The following HYAL4 variants were observed in gnomAD, a reference collection of about 807,000 sequenced individuals.
HYAL4 encodes the protein hyaluronidase 4, also known as hyaluronidase-4.
HYAL4 carries 37 observed loss-of-function variants against 35.2 expected under a neutral mutation model. The ratio of observed to expected loss-of-function variants is 1.05; its 90% confidence interval spans 0.81 to 1.38. The LOEUF (loss-of-function observed/expected upper bound fraction) is 1.38, where lower values mean the gene tolerates loss of function less well. Among genes scored for constraint, HYAL4 ranks in the 40% most tolerant of loss-of-function variants. The pLI, the probability that HYAL4 is intolerant of heterozygous loss-of-function variation, is 0.00. For synonymous variants in HYAL4, 198 were observed against 203.2 expected (o/e 0.97, Z 0.22); for missense variants, 572 against 572.4 (o/e 1.00, Z 0.01).
intron 1 of HYAL4, among the ~76,000 whole-genome samples, chr7:123,833,771 G>A (rs573823120): frequency 6.6e-6 from 1 of 152,090 alleles, no homozygotes; most frequent in Admixed American, 6.5e-5. Context: ...ATAATGTGAG[G>A]GATGAGGGTA....
chr7:123,863,446 A>C (rs999520276), intron 2 of HYAL4, among the ~76,000 whole-genome samples: 21 of 152,282 alleles, frequency 1.4e-4, no homozygotes, highest in Admixed American at 6.5e-5. Flanking sequence ...ATGGGAAGCC[A>C]TGGGGTGTCT....
chr7:123,770,690 G>A, the HYAL4 span, among the ~76,000 whole-genome samples: 1 of 151,900 alleles, frequency 6.6e-6, no homozygotes, highest in East Asian at 1.9e-4. Flanking sequence ...AGTACGTTGG[G>A]GTCAGATTAT....
In HYAL4 at chr7:123,871,199, T is replaced by A. The variant is rs12537321; in HGVS notation, c.954+1972T>A. The stretch of plus-strand genomic sequence containing the variant: ...CTTTAAAAATCTGCCCATGATTTTT[T>A]TTTTTTTTTTTAGATGGAGTTTCCC... On this transcript the variant is annotated intron_variant, in intron 3 of 4. Coordinates refer to ENST00000223026, the MANE Select transcript of HYAL4 (RefSeq NM_012269.3). Among the ~76,000 whole-genome samples, 1,254 of 151,998 alleles carry A rather than the reference T, an allele frequency of 8.3e-3. 25 individuals are homozygous for A. Among genetic ancestry groups the A allele is most frequent in the African/African-American group, 0.029 (1,185 of 41,464 alleles).
the HYAL4 span, among the ~76,000 whole-genome samples, chr7:123,767,324 G>GTTTGT: frequency 6.6e-6 from 1 of 152,092 alleles, no homozygotes; most frequent in African/African-American, 2.4e-5. Flanking sequence ...TATTGTTGTT[G>GTTTGT]TTTGTTTTGT....
In HYAL4 at chr7:123,832,340, T is replaced by TA. The variant is rs1213929030; in HGVS notation, c.-257+3218dup. On this transcript the variant is annotated intron_variant, in intron 1 of 4. Transcript: ENST00000489978. ...ACAGGTGGTATTTGGTTACATGAGTTAAGTTCTTTAGTGGTGATTTGTGAG... is the reference window on the plus strand; with the variant it reads ...ACAGGTGGTATTTGGTTACATGAGTTAAAGTTCTTTAGTGGTGATTTGTGAG... 7.2e-5 allele frequency among the ~76,000 whole-genome samples: 11 copies of TA among 152,008 alleles called. No homozygotes were observed. The East Asian group carries it at 2.1e-3, about 29-fold the overall frequency.
upstream of HYAL4, among the ~76,000 whole-genome samples, chr7:123,824,836 T>G (rs888132438): frequency 6.6e-6 from 1 of 152,182 alleles, no homozygotes; most frequent in Admixed American, 6.6e-5. Context: ...CCTCAGTGTC[T>G]TTATTCCAAG....
the HYAL4 span, among the ~76,000 whole-genome samples, chr7:123,810,338 A>C: frequency 1.9e-4 from 29 of 152,066 alleles, no homozygotes; most frequent in African/African-American, 6.0e-4. Flanking sequence ...GAAAAAAAAA[A>C]CCCGTGTTAC....
chr7:123,768,220 C>A, the HYAL4 span, among the ~76,000 whole-genome samples: 1 of 152,160 alleles, frequency 6.6e-6, no homozygotes, highest in Admixed American at 6.5e-5. Flanking sequence ...TACTACATAA[C>A]CTCAGTAAAA....
chr7:123,860,742 AT>A (rs1380252021), intron 2 of HYAL4, among the ~76,000 whole-genome samples: 4 of 152,184 alleles, frequency 2.6e-5, no homozygotes, highest in Admixed American at 2.6e-4. Flanking sequence ...TAGAAGCAGA[AT>A]TTCTTGGTGA....
chr7:123,877,296 AG>A lies in HYAL4; in HGVS notation c.*142del. The A allele has an allele frequency of 1.2e-6, 1 of 842,742 alleles. No individual in the cohort carries two copies. The highest frequency in any genetic ancestry group is 2.9e-5 in the Admixed American group (1 of 34,364). The allele number at this position is 842,742 out of a possible 1,614,324, so 52.2% of individuals were successfully genotyped here. A position where few individuals can be genotyped will look rare whatever the true frequency, so the allele number is the denominator to read the frequency against. On this transcript the variant is annotated 3_prime_UTR_variant, in exon 5 of 5. Transcript: ENST00000223026. ...ATTATGTATGTCACTTAACATAAACAGAAACATTATTTTATTTGCCTCCAGT... is the reference window on the plus strand; with the variant it reads ...ATTATGTATGTCACTTAACATAAACAAAACATTATTTTATTTGCCTCCAGT...
the HYAL4 span, among the ~76,000 whole-genome samples, chr7:123,797,832 T>C: frequency 6.6e-6 from 1 of 152,114 alleles, no homozygotes; most frequent in Non-Finnish European, 1.5e-5. Flanking sequence ...GTCATGCACT[T>C]TCTCTTTATC....
At chr7:123,805,361 C>T in the HYAL4 span, among the ~76,000 whole-genome samples, 1 of 151,992 alleles carries the variant, frequency 6.6e-6, no homozygotes, top group Non-Finnish European at 1.5e-5. Flanking sequence ...TTTTCCTTTC[C>T]AATTCTTATG....
At chr7:123,852,596 A>T (rs960733770) in intron 2 of HYAL4, among the ~76,000 whole-genome samples, 1 of 152,148 alleles carries the variant, frequency 6.6e-6, no homozygotes, top group East Asian at 1.9e-4. Context: ...ATTGGTCTAT[A>T]TATTTGTTTT....
intron 3 of HYAL4, among the ~76,000 whole-genome samples, chr7:123,871,003 C>T (rs1430896533): frequency 6.6e-6 from 1 of 152,044 alleles, no homozygotes; most frequent in Non-Finnish European, 1.5e-5. Context: ...ATTCTGTGAA[C>T]CTGGTATAAG....
intron 2 of HYAL4, among the ~76,000 whole-genome samples, chr7:123,863,923 G>A (rs953997920): frequency 2.0e-5 from 3 of 152,072 alleles, no homozygotes; most frequent in Non-Finnish European, 4.4e-5. Flanking sequence ...GGAGATAGAG[G>A]CTTTTTTGCA....
chr7:123,837,361 G>A (rs1424197687), intron 1 of HYAL4, among the ~76,000 whole-genome samples: 1 of 152,068 alleles, frequency 6.6e-6, no homozygotes, highest in African/African-American at 2.4e-5. Flanking sequence ...AAAAGGAAGT[G>A]TTTAAGTAGA....
intron 2 of HYAL4, among the ~76,000 whole-genome samples, chr7:123,854,876 A>G (rs1014653608): frequency 6.6e-6 from 1 of 152,134 alleles, no homozygotes; most frequent in Non-Finnish European, 1.5e-5. Context: ...GTAAGTCTCT[A>G]AGAATTTGCT....
chr7:123,773,171 A>G, the HYAL4 span, among the ~76,000 whole-genome samples: 1 of 152,026 alleles, frequency 6.6e-6, no homozygotes, highest in Non-Finnish European at 1.5e-5. Context: ...TTTATATTTT[A>G]TAGTTAATTA....
intron 3 of HYAL4, among the ~76,000 whole-genome samples, chr7:123,873,662 T>A (rs1231252797): frequency 6.6e-6 from 1 of 152,236 alleles, no homozygotes; most frequent in East Asian, 1.9e-4. Flanking sequence ...GAATGTGTTG[T>A]AATTTAATAA....
Sources: gnomAD v4.1 joint callset for allele counts (sites outside exome capture counted in the v4.1 genomes callset) on GRCh38, gnomAD v4.1.1 for gene constraint, MANE v1.5 for transcripts, NCBI Gene and HGNC (gene_info 2026-07-23, HGNC 2026-07-21) for gene names.